CACNA1I: variants seen among roughly 807,000 people sequenced by gnomAD.
CACNA1I encodes the protein calcium voltage-gated channel subunit alpha1 I.
A neutral mutation model predicts 201.6 loss-of-function variants in CACNA1I; 74 were observed. That is an observed-to-expected ratio of 0.37 (90% confidence interval 0.30 to 0.45). The LOEUF (loss-of-function observed/expected upper bound fraction) is 0.45. Ranked by LOEUF, CACNA1I falls within the 20% of genes least tolerant of loss-of-function variation. The pLI is 1.00. For missense variants in CACNA1I, 2,346 were observed against 3,138.1 expected, an observed-to-expected ratio of 0.75 and a Z score of 6.03; for synonymous variants, 1,431 against 1,345.2, an observed-to-expected ratio of 1.06 and a Z score of -1.40.
At chr22:39,577,724 C>T (rs989919376) in intron 1 of CACNA1I, among the ~76,000 whole-genome samples, 32 of 152,226 alleles carry the variant, frequency 2.1e-4, no homozygotes, top group Non-Finnish European at 5.9e-5. Context: ...ACCAGCGTGC[C>T]GGCTGAGGGC....
chr22:39,668,543 A>G (rs111808100), intron 24 of CACNA1I, among the ~76,000 whole-genome samples, 162 bp downstream of exon 24: 3,613 of 152,086 alleles, frequency 0.024, 157 homozygotes, highest in African/African-American at 0.082. Context: ...CTGAATCTTC[A>G]CCATTACAGT....
chr22:39,619,614 C>T (rs996338688), intron 4 of CACNA1I, among the ~76,000 whole-genome samples: 5 of 152,126 alleles, frequency 3.3e-5, no homozygotes, highest in African/African-American at 1.2e-4. Context: ...CCTGAAGACA[C>T]TGGCAGGTGG....
In CACNA1I at chr22:39,619,361, C is replaced by T; in HGVS notation, c.534C>T (p.Arg178=). The change falls in exon 4 of 37, where the codon CGC becomes CGT. Residue 178 remains arginine (R), a synonymous_variant. Coordinates refer to ENST00000402142, the MANE Select transcript of CACNA1I (RefSeq NM_021096.4). ...AGAACATCAACCTGTCAGCCATCCG[C>T]ACCGTGCGCGTCCTGAGGCCCCTCA... ...DLQNINLSAI[R]TVRVLRPLKA... 6.2e-7 allele frequency: 1 copy of T among 1,609,930 alleles called. No homozygotes were observed. The highest frequency in any genetic ancestry group is 8.5e-7 in the Non-Finnish European group (1 of 1,179,778).
chr22:39,661,598 A>G (rs1052719054), intron 16 of CACNA1I, among the ~76,000 whole-genome samples: 1 of 152,252 alleles, frequency 6.6e-6, no homozygotes, highest in African/African-American at 2.4e-5. Flanking sequence ...GGCAGACTGC[A>G]GCTTGAATCC....
chr22:39,684,960 G>A lies in CACNA1I; in HGVS notation c.6027+462G>A. The A allele has an allele frequency of 3.7e-6, 1 of 270,882 alleles. No homozygotes were observed. Among genetic ancestry groups the A allele is most frequent in the Admixed American group, 4.9e-5 (1 of 20,526 alleles). 16.8% of individuals were successfully genotyped at this position (270,882 alleles called of 1,614,324 possible). A position where few individuals can be genotyped will look rare whatever the true frequency, so the allele number is the denominator to read the frequency against. Reference sequence around the variant, plus strand: ...CTGCAGGGTCCCCCGTACTGGATTGGCCAGGGCCACAGCCCTCCTACCCAC... The same window carrying A: ...CTGCAGGGTCCCCCGTACTGGATTGACCAGGGCCACAGCCCTCCTACCCAC... On this transcript the variant is annotated intron_variant, in intron 36 of 36. Transcript: ENST00000402142. The surrounding 1 kb of genome is among the most constrained non-coding windows in gnomAD (Gnocchi z 4.6).
At chr22:39,679,962 G>A in intron 33 of CACNA1I, 94 bp downstream of exon 33, 2 of 1,306,140 alleles carry the variant, frequency 1.5e-6, no homozygotes, top group Non-Finnish European at 1.1e-6. Context: ...GCTCTGGGCT[G>A]TAGAGACCAG....
intron 5 of CACNA1I, among the ~76,000 whole-genome samples, chr22:39,638,611 A>G (rs893621665): frequency 6.6e-6 from 1 of 151,788 alleles, no homozygotes; most frequent in Non-Finnish European, 1.5e-5. Context: ...CTTCCTATAT[A>G]TTGGCCATTT....
At chr22:39,626,209 G>A (rs1933895699) in intron 4 of CACNA1I, among the ~76,000 whole-genome samples, 1 of 152,228 alleles carries the variant, frequency 6.6e-6, no homozygotes, top group African/African-American at 2.4e-5. Context: ...GCCTCTCCGT[G>A]CCTCTATTTC....
chr22:39,678,787 GC>G (rs1226851653), intron 31 of CACNA1I, among the ~76,000 whole-genome samples: 3 of 152,186 alleles, frequency 2.0e-5, no homozygotes, highest in Non-Finnish European at 4.4e-5. Flanking sequence ...CTCCCCAGGG[GC>G]CCCTGAAGGA....
chr22:39,649,531 C>T lies in CACNA1I; in HGVS notation c.1598C>T (p.Ala533Val), dbSNP rs112024546. 9.6e-6 allele frequency: 15 copies of T among 1,558,820 alleles called. No homozygotes were observed. Among genetic ancestry groups the T allele is most frequent in the African/African-American group, 6.8e-5 (5 of 73,514 alleles). Residue 533 changes from alanine to valine, a missense_variant, in exon 10 of 37, where the codon GCG becomes GTG. Physicochemically the swap from Ala to Val is moderately conservative, Grantham distance 64. Coordinates refer to ENST00000402142, the MANE Select transcript of CACNA1I (RefSeq NM_021096.4). This position sits in a 1 kb window ranked among gnomAD's most constrained non-coding sequence, Gnocchi z 7.3. ...TGCCCGCAACATAGCCCCCTGGATG[C>T]GACGCCCCACACCCTGGTGCAGCCC... is the stretch of plus-strand genomic sequence containing the variant. ...ELCPQHSPLD[A>V]TPHTLVQPIP... is the part of the protein sequence containing the mutation.
At chr22:39,576,587 G>A (rs1319544463) in intron 1 of CACNA1I, among the ~76,000 whole-genome samples, 2 of 152,368 alleles carry the variant, frequency 1.3e-5, no homozygotes, top group South Asian at 4.1e-4. Flanking sequence ...TTCTGCTGTG[G>A]TGGGAAGCAG....
Position 39,670,250 on chromosome 22 carries a change from G to A in CACNA1I, c.4387+20G>A, listed in dbSNP as rs768664306. ...GCCGGAGTGAGTGGGTGCCTGTGGAGGGCGTGGGCCACCCAGCTCTAAGCC... is the reference window on the plus strand; with the variant it reads ...GCCGGAGTGAGTGGGTGCCTGTGGAAGGCGTGGGCCACCCAGCTCTAAGCC... On this transcript the variant is annotated intron_variant, in intron 25 of 36. Transcript: ENST00000402142. The A allele has an allele frequency of 2.9e-5, 47 of 1,606,424 alleles. No individual in the cohort carries two copies. Among genetic ancestry groups the A allele is most frequent in the Non-Finnish European group, 3.4e-5 (40 of 1,178,526 alleles).
intron 5 of CACNA1I, among the ~76,000 whole-genome samples, chr22:39,639,909 A>G (rs1443690515): frequency 1.3e-5 from 2 of 152,160 alleles, no homozygotes; most frequent in Non-Finnish European, 2.9e-5. Flanking sequence ...GTTTCTGTTT[A>G]TCTCTCTCCT....
At chr22:39,620,883 G>A (rs1933724845) in intron 4 of CACNA1I, among the ~76,000 whole-genome samples, 1 of 152,074 alleles carries the variant, frequency 6.6e-6, no homozygotes, top group African/African-American at 2.4e-5. Flanking sequence ...TCACCCTCAT[G>A]AGTAGCTGGG....
At chr22:39,644,409 C>T (rs1053892791) in intron 7 of CACNA1I, among the ~76,000 whole-genome samples, 1 of 152,202 alleles carries the variant, frequency 6.6e-6, no homozygotes, top group Non-Finnish European at 1.5e-5. Flanking sequence ...ATGTCCTTGG[C>T]ACACAGTGAG....
At chr22:39,617,524 C>T (rs532072318) in intron 3 of CACNA1I, among the ~76,000 whole-genome samples, 1 of 152,194 alleles carries the variant, frequency 6.6e-6, no homozygotes, top group East Asian at 1.9e-4. Context: ...TGGCTGCCTG[C>T]GATGGGACTC....
In CACNA1I at chr22:39,598,151, G is replaced by C. The variant is rs780248154; in HGVS notation, c.237G>C (p.Pro79=). Residue 79 remains proline, a splice_region_variant and synonymous_variant, in exon 2 of 37, where the codon CCG becomes CCC. Transcript: ENST00000402142. The part of the protein sequence containing the change: ...RNWCIKMVCN[P]WFECVSMLVI... ...GCTTTGTCCTTGACTTGGTGTGCACGTGGTTTGAATGTGTCAGCATGCTGG... is the reference window on the plus strand; with the variant it reads ...GCTTTGTCCTTGACTTGGTGTGCACCTGGTTTGAATGTGTCAGCATGCTGG... 22 of 1,587,634 alleles carry C rather than the reference G, an allele frequency of 1.4e-5. No individual in the cohort carries two copies. In the African/African-American group the frequency reaches 2.8e-4, roughly 20 times the overall value.
chr22:39,681,160 C>T lies in CACNA1I; in HGVS notation c.5664+108C>T, dbSNP rs939945767. ...TTTCCAGTCTACCATGTAAACGGCA[C>T]CCACTGTGCTAGGCCTTCATCTCCT... is the stretch of plus-strand genomic sequence containing the variant. On this transcript the variant is annotated intron_variant, in intron 34 of 36. Coordinates refer to ENST00000402142, the MANE Select transcript of CACNA1I (RefSeq NM_021096.4). The T allele has an allele frequency of 3.9e-6, 5 of 1,283,966 alleles. No individual in the cohort carries two copies. The African/African-American group carries it at 5.9e-5, about 15-fold the overall frequency. 79.5% of individuals were successfully genotyped at this position (1,283,966 alleles called of 1,614,324 possible). A position where few individuals can be genotyped will look rare whatever the true frequency, so the allele number is the denominator to read the frequency against.
intron 26 of CACNA1I, among the ~76,000 whole-genome samples, chr22:39,671,447 C>G (rs1935373539): frequency 6.6e-6 from 1 of 152,112 alleles, no homozygotes; most frequent in Non-Finnish European, 1.5e-5. Context: ...TACCATGTAG[C>G]CTCCTTTACT....
Sources: gnomAD v4.1 joint callset for allele counts (sites outside exome capture counted in the v4.1 genomes callset) on GRCh38, gnomAD v4.1.1 for gene constraint, Gnocchi (gnomAD v3.1) non-coding constraint, MANE v1.5 for transcripts, NCBI Gene and HGNC (gene_info 2026-07-23, HGNC 2026-07-21) for gene names.